UACA: variants seen among roughly 807,000 people sequenced by gnomAD.
The protein encoded by UACA is uveal autoantigen with coiled-coil domains and ankyrin repeats.
UACA carries 112 observed loss-of-function variants against 160.5 expected under a neutral mutation model. The observed-to-expected ratio is 0.70, with a 90% CI of 0.60 to 0.82. The LOEUF (loss-of-function observed/expected upper bound fraction) is 0.82, where lower values mean the gene tolerates loss of function less well. Ranked by LOEUF, UACA falls within the 40% of genes least tolerant of loss-of-function variation. The pLI is 0.00. For synonymous variants in UACA, 557 were observed against 568.4 expected, an observed-to-expected ratio of 0.98 and a Z score of 0.29; for missense variants, 1,574 against 1,614.6, an observed-to-expected ratio of 0.97 and a Z score of 0.43.
At chr15:70,660,351 T>C (rs995783907) in intron 17 of UACA, 135 bp from the exon 18 acceptor site, 2 of 634,556 alleles carry the variant, frequency 3.2e-6, no homozygotes, top group African/African-American at 1.9e-5. Flanking sequence ...ACAAACTACC[T>C]TGGACCTACC....
chr15:70,762,267 AAAGCAG>A (rs2030809674), intron 1 of UACA, among the ~76,000 whole-genome samples: 1 of 152,220 alleles, frequency 6.6e-6, no homozygotes, highest in South Asian at 2.1e-4. Context: ...TTAACTCAAA[AAAGCAG>A]AAGCAGATTA....
rs761282559 is a variant in UACA, at chr15:70,667,672, T to A, written c.3012A>T (p.Glu1004Asp). 10 of 1,613,506 alleles carry A rather than the reference T, an allele frequency of 6.2e-6. No homozygotes were observed. Among genetic ancestry groups the A allele is most frequent in the Non-Finnish European group, 8.5e-6 (10 of 1,179,902 alleles). Residue 1004 changes from glutamate (E) to aspartate (D), a missense_variant, in exon 16 of 19, where the codon GAA (glutamate) becomes GAT (aspartate). Glu to Asp is a conservative substitution (Grantham distance 45, BLOSUM62 2). Transcript: ENST00000322954. ...CERKFKATEK[E>D]LKDQLSEQTQ... is the part of the protein sequence containing the mutation. Reference sequence around the variant, plus strand: ...TCTGCTCTGATAACTGGTCTTTTAGTTCTTTCTCTGTTGCTTTAAATTTTC... The same window carrying A: ...TCTGCTCTGATAACTGGTCTTTTAGATCTTTCTCTGTTGCTTTAAATTTTC...
chr15:70,717,327 G>A (rs1372404548), intron 1 of UACA, among the ~76,000 whole-genome samples: 1 of 152,204 alleles, frequency 6.6e-6, no homozygotes, highest in Non-Finnish European at 1.5e-5. Flanking sequence ...AACAGAGCAA[G>A]AACCATAAGA....
chr15:70,702,161 T>C, intron 1 of UACA: 1 of 1,270,308 alleles, frequency 7.9e-7, no homozygotes, highest in Non-Finnish European at 9.9e-7. Context: ...CAGCCCCAAG[T>C]CAGGTACAGT....
intron 1 of UACA, chr15:70,703,324 C>A: frequency 8.0e-7 from 1 of 1,257,606 alleles, no homozygotes; most frequent in Non-Finnish European, 1.0e-6. Flanking sequence ...AAGGAAGTAG[C>A]TGCTATATTA....
chr15:70,685,728 T>A (rs976721052), intron 7 of UACA, among the ~76,000 whole-genome samples: 2 of 152,108 alleles, frequency 1.3e-5, no homozygotes, highest in Non-Finnish European at 2.9e-5. Context: ...ATAAAAAATA[T>A]AAAGCACTGT....
chr15:70,761,036 C>G lies in UACA; in HGVS notation c.78+2294G>C, dbSNP rs140789778. 3.8e-3 allele frequency among the ~76,000 whole-genome samples: 574 copies of G among 152,172 alleles called. 3 individuals carry two copies. The highest frequency in any genetic ancestry group is 0.013 in the African/African-American group (526 of 41,512). ...CTTTTAGGAATTAATCCTACAGGTA[C>G]AGACACACACTTGAAATATGAATAT... is the stretch of plus-strand genomic sequence containing the variant. On this transcript the variant is annotated intron_variant, in intron 1 of 18. Transcript: ENST00000322954.
At chr15:70,700,893 A>G (rs1898333818) in intron 1 of UACA, among the ~76,000 whole-genome samples, 1 of 152,048 alleles carries the variant, frequency 6.6e-6, no homozygotes, top group Non-Finnish European at 1.5e-5. Context: ...CAAATCTGAG[A>G]AAAAAACTGA....
Position 70,718,028 on chromosome 15 carries a change from T to TACACACAC in UACA, c.79-18376_79-18369dup, listed in dbSNP as rs140483075. 6.0e-3 allele frequency among the ~76,000 whole-genome samples: 860 copies of TACACACAC among 142,656 alleles called. 6 individuals carry two copies. Among genetic ancestry groups the TACACACAC allele is most frequent in the African/African-American group, 0.018 (678 of 37,830 alleles). 93.6% of individuals were successfully genotyped at this position (142,656 alleles called of 152,430 possible). ...CAATTCCTTAAAATAAATTTCTTTA[T>TACACACAC]ACACACACACACACACACACACACA... On this transcript the variant is annotated intron_variant, in intron 1 of 18. Transcript: ENST00000322954.
Position 70,763,531 on chromosome 15 carries a change from C to T in UACA, c.-124G>A. 1 of 1,245,358 alleles carries T rather than the reference C, an allele frequency of 8.0e-7. No homozygotes were observed. The highest frequency in any genetic ancestry group is 1.0e-6 in the Non-Finnish European group (1 of 990,770). The allele number at this position is 1,245,358 out of a possible 1,614,324, so 77.1% of individuals were successfully genotyped here. ...TGTACCAGCCCCACCTGCCTGCCAC[C>T]TGCGGGCCCCGGGCAGCAGACGTCG... On this transcript the variant is annotated 5_prime_UTR_variant, in exon 1 of 19. Transcript: ENST00000322954.
At chr15:70,754,568 CATA>C (rs2030302205) in intron 1 of UACA, among the ~76,000 whole-genome samples, 1 of 152,166 alleles carries the variant, frequency 6.6e-6, no homozygotes, top group Admixed American at 6.5e-5. Context: ...GACATAACCC[CATA>C]ATAAGTCAAG....
rs189136015 is a variant in UACA, at chr15:70,744,757, G to T, written c.78+18573C>A. Among the ~76,000 whole-genome samples the T allele has an allele frequency of 1.1e-4, 16 of 152,250 alleles. No homozygotes were observed. In the East Asian group the frequency reaches 3.1e-3, roughly 29 times the overall value. On this transcript the variant is annotated intron_variant, in intron 1 of 18. Transcript: ENST00000322954. ...TCAAAGTAATTACAACTTATATAAT[G>T]GCAAATATACAAGTAGATACAGTGT...
chr15:70,751,395 T>C (rs1376723551), intron 1 of UACA, among the ~76,000 whole-genome samples: 2 of 152,198 alleles, frequency 1.3e-5, no homozygotes, highest in African/African-American at 4.8e-5. Flanking sequence ...ATTAGGAAGA[T>C]TGCTGTCAAT....
the UACA span, among the ~76,000 whole-genome samples, chr15:70,774,545 C>CAAAAAAAAAAAAAAAAAA: frequency 1.3e-3 from 107 of 82,408 alleles, 2 homozygotes; most frequent in African/African-American, 5.7e-3. Flanking sequence ...GACTCTGTCT[C>CAAAAAAAAAAAAAAAAAA]AAAAAAAAAA....
rs1463640139 is a variant in UACA at position 70,683,218 on chromosome 15, C to T, written c.785-423G>A. ...AAAAAAAATATAAAAAATTAGCTGG[C>T]CATGGTGGTACATGCCTGTAGTCCC... On this transcript the variant is annotated intron_variant, in intron 8 of 18. Transcript: ENST00000322954. 2.0e-5 allele frequency among the ~76,000 whole-genome samples: 3 copies of T among 151,738 alleles called. No individual in the cohort carries two copies. In the East Asian group the frequency reaches 5.8e-4, roughly 29 times the overall value.
chr15:70,674,364 T>C (rs1310355728), intron 13 of UACA, among the ~76,000 whole-genome samples: 1 of 152,194 alleles, frequency 6.6e-6, no homozygotes, highest in African/African-American at 2.4e-5. Flanking sequence ...TCCCACCTGT[T>C]GAATGAGTAT....
At chr15:70,696,090 A>G (rs1898117589) in intron 2 of UACA, among the ~76,000 whole-genome samples, 2 of 152,192 alleles carry the variant, frequency 1.3e-5, no homozygotes, top group Non-Finnish European at 2.9e-5. Context: ...GAAACAAAAA[A>G]TGTGAAAGTG....
the UACA span, among the ~76,000 whole-genome samples, chr15:70,774,907 T>G: frequency 6.6e-6 from 1 of 151,588 alleles, no homozygotes; most frequent in African/African-American, 2.4e-5. Flanking sequence ...AAAATAAAAT[T>G]AGCCAGGCAT....
In UACA at chr15:70,655,780, G is replaced by T. The variant is rs1896461191; in HGVS notation, c.*1276C>A. 1 of 141,634 alleles carries T rather than the reference G, an allele frequency of 7.1e-6. No homozygotes were observed. Among genetic ancestry groups the T allele is most frequent in the South Asian group, 2.1e-4 (1 of 4,758 alleles). The allele number at this position is 141,634 out of a possible 1,614,324, so 8.8% of individuals were successfully genotyped here. A position where few individuals can be genotyped will look rare whatever the true frequency, so the allele number is the denominator to read the frequency against. On this transcript the variant is annotated 3_prime_UTR_variant, in exon 19 of 19. Transcript: ENST00000322954. Reference sequence around the variant, plus strand: ...ATTTTTACCCTATTAAACAAAAATGGGATTTAAAAATCTGGTTCGGGATGT... The same window carrying T: ...ATTTTTACCCTATTAAACAAAAATGTGATTTAAAAATCTGGTTCGGGATGT...
Sources: gnomAD v4.1 joint callset for allele counts (sites outside exome capture counted in the v4.1 genomes callset) on GRCh38, gnomAD v4.1.1 for gene constraint, MANE v1.5 for transcripts, NCBI Gene and HGNC (gene_info 2026-07-23, HGNC 2026-07-21) for gene names.